DLEC1: variants seen among roughly 807,000 people sequenced by gnomAD.
The protein encoded by DLEC1 is DLEC1 cilia and flagella associated protein.
A neutral mutation model predicts 198.1 loss-of-function variants in DLEC1; 146 were observed. That is an observed-to-expected ratio of 0.74 (90% CI 0.64 to 0.85). The LOEUF (loss-of-function observed/expected upper bound fraction) is 0.85, where lower values mean the gene tolerates loss of function less well. Ranked by LOEUF, DLEC1 falls within the 40% of genes least tolerant of loss-of-function variation. DLEC1 has a pLI of 0.00. For synonymous variants in DLEC1, 897 were observed against 866.8 expected (o/e 1.03, Z -0.61); for missense variants, 2,233 against 2,220.0 (o/e 1.01, Z -0.12).
intron 19 of DLEC1, among the ~76,000 whole-genome samples, chr3:38,106,808 T>G (rs527413708): frequency 6.8e-6 from 1 of 146,150 alleles, no homozygotes; most frequent in African/African-American, 2.5e-5. Flanking sequence ...ATTAGGCCCA[T>G]CTAGATTATC....
intron 2 of DLEC1, 31 bp downstream of exon 2, chr3:38,045,724 C>G: frequency 2.5e-6 from 4 of 1,578,522 alleles, no homozygotes; most frequent in Non-Finnish European, 3.4e-6. Flanking sequence ...CATGCCTGCC[C>G]AATTCCCGGG....
chr3:38,121,922 C>A, intron 35 of DLEC1, 141 bp downstream of exon 35: 1 of 1,506,132 alleles, frequency 6.6e-7, no homozygotes, highest in Non-Finnish European at 8.9e-7. Context: ...GCAGAGCAGC[C>A]AGTCCCCCAA....
At position 38,095,942 on chromosome 3, in the gene DLEC1, G is replaced by C. The variant is rs767324318; in HGVS notation, c.2167G>C (p.Val723Leu). 2 of 1,613,570 alleles carry C rather than the reference G, an allele frequency of 1.2e-6. No individual in the cohort carries two copies. The highest frequency in any genetic ancestry group is 2.7e-5 in the African/African-American group (2 of 74,928). The part of the protein sequence containing the change: ...QMVLEEVPEP[V>L]SSEAESLGHS... Reference sequence around the variant, plus strand: ...GGTGCTAGAGGAAGTCCCAGAGCCTGTAAGGTGAGAGAAACTGGGCCCTGG... The same window carrying C: ...GGTGCTAGAGGAAGTCCCAGAGCCTCTAAGGTGAGAGAAACTGGGCCCTGG... The change falls in exon 14 of 37, where the codon GTA (valine) becomes CTA (leucine). Residue 723 changes from valine (V) to leucine (L), a missense_variant. By Grantham distance (32) the Val-to-Leu change is conservative (BLOSUM62 1). Transcript: ENST00000308059.
intron 31 of DLEC1, 56 bp from the exon 32 acceptor site, chr3:38,117,471 G>A (rs746255066): frequency 1.2e-6 from 2 of 1,610,332 alleles, no homozygotes; most frequent in Non-Finnish European, 1.7e-6. Context: ...CAGAGTGGGG[G>A]CAGCCAGAAG....
In DLEC1 at chr3:38,122,600, A is replaced by G. The variant is rs750170436; in HGVS notation, c.*188A>G. ...CCCTCATGATATGTCCTCAGAGCTA[A>G]CATAAAGGACAGGCCACACCACAGC... On this transcript the variant is annotated 3_prime_UTR_variant, in exon 37 of 37. Coordinates refer to ENST00000308059, the MANE Select transcript of DLEC1 (RefSeq NM_007335.4). 4 of 1,575,214 alleles carry G rather than the reference A, an allele frequency of 2.5e-6. No individual in the cohort carries two copies. The African/African-American group carries it at 4.1e-5, about 16-fold the overall frequency.
In DLEC1 at chr3:38,100,213, A is replaced by G; in HGVS notation, c.2725-73A>G. 18 of 1,500,990 alleles carry G rather than the reference A, an allele frequency of 1.2e-5. No homozygotes were observed. The South Asian group carries it at 2.3e-4, about 19-fold the overall frequency. 93.0% of individuals were successfully genotyped at this position (1,500,990 alleles called of 1,614,324 possible). Reference sequence around the variant, plus strand: ...AGCTTAGGAGTGACTTTGGTTAGGCATGGCCAGCCCCCAGTTCCTCTGCAA... The same window carrying G: ...AGCTTAGGAGTGACTTTGGTTAGGCGTGGCCAGCCCCCAGTTCCTCTGCAA... On this transcript the variant is annotated intron_variant, in intron 18 of 36. Transcript: ENST00000308059.
At chr3:38,074,707 A>C (rs1203923552) in intron 6 of DLEC1, among the ~76,000 whole-genome samples, 2 of 152,136 alleles carry the variant, frequency 1.3e-5, no homozygotes, top group African/African-American at 4.8e-5. Context: ...TATCAGCATG[A>C]GATTGGGCTA....
At chr3:38,048,195 G>T (rs977979358) in intron 2 of DLEC1, among the ~76,000 whole-genome samples, 1 of 152,168 alleles carries the variant, frequency 6.6e-6, no homozygotes, top group Non-Finnish European at 1.5e-5. Flanking sequence ...GATGTTCCAG[G>T]CCATCTTGGG....
At chr3:38,081,621 C>G (rs1188668572) in intron 6 of DLEC1, among the ~76,000 whole-genome samples, 5 of 97,316 alleles carry the variant, frequency 5.1e-5, no homozygotes, top group South Asian at 3.0e-4. Context: ...GGAGGGCTGA[C>G]CCCCCCACCT....
At chr3:38,071,308 T>G (rs1426774023) in intron 6 of DLEC1, among the ~76,000 whole-genome samples, 1 of 152,014 alleles carries the variant, frequency 6.6e-6, no homozygotes, top group Non-Finnish European at 1.5e-5. Flanking sequence ...AATTAGAGAG[T>G]GCCTAAGGGG....
chr3:38,055,074 C>T (rs1055443375), intron 2 of DLEC1, among the ~76,000 whole-genome samples: 3 of 152,140 alleles, frequency 2.0e-5, no homozygotes, highest in Non-Finnish European at 4.4e-5. Context: ...ACAACAGGCC[C>T]ATTTTGGCTA....
intron 2 of DLEC1, 117 bp downstream of exon 2, chr3:38,045,810 G>C: frequency 9.3e-7 from 1 of 1,071,222 alleles, no homozygotes; most frequent in Non-Finnish European, 1.3e-6. Context: ...GCAAGTCGCA[G>C]ACATGATAAT....
In DLEC1 at chr3:38,096,618, A is replaced by AT. The variant is rs1699035031; in HGVS notation, c.2223dup (p.Val742CysfsTer39). ...CTCCTCCTACTCTGTGGATGATGTG[A>AT]TTGTCCTGGAAATCGAGGTGAAAGG... On this transcript the variant is annotated frameshift_variant, in exon 15 of 37. Transcript: ENST00000308059. LOFTEE classifies it high-confidence loss of function. 1 of 1,612,504 alleles carries AT rather than the reference A, an allele frequency of 6.2e-7. No individual in the cohort carries two copies. The highest frequency in any genetic ancestry group is 1.1e-5 in the South Asian group (1 of 91,006).
chr3:38,039,270 G>T lies in DLEC1; in HGVS notation c.45G>T (p.Arg15=). The T allele has an allele frequency of 6.2e-7, 1 of 1,613,848 alleles. No individual in the cohort carries two copies. Among genetic ancestry groups the T allele is most frequent in the Non-Finnish European group, 8.5e-7 (1 of 1,179,846 alleles). The change falls in exon 1 of 37, where the codon CGG becomes CGT. Residue 15 remains arginine, a synonymous_variant. Coordinates refer to ENST00000308059, the MANE Select transcript of DLEC1 (RefSeq NM_007335.4). ...SSKTRRSLAS[R]TNECQGTMWA... ...AAACGCGGAGGTCTTTAGCGTCCCG[G>T]ACCAACGAGTGCCAGGGGACAATGT...
chr3:38,084,026 G>T, intron 6 of DLEC1, 132 bp from the exon 7 acceptor site: 6 of 772,076 alleles, frequency 7.8e-6, no homozygotes, highest in Non-Finnish European at 1.3e-5. Context: ...AGCTTCGACA[G>T]TTACCAACAT....
intron 6 of DLEC1, among the ~76,000 whole-genome samples, chr3:38,066,862 T>C (rs965161725): frequency 1.3e-5 from 2 of 152,230 alleles, no homozygotes; most frequent in East Asian, 1.9e-4. Flanking sequence ...TTAACAGTAA[T>C]GTGTTGTCTT....
Position 38,092,789 on chromosome 3 carries a change from G to A in DLEC1, c.1666-1G>A. 6.2e-7 allele frequency: 1 copy of A among 1,614,000 alleles called. No individual in the cohort carries two copies. Among genetic ancestry groups the A allele is most frequent in the Non-Finnish European group, 8.5e-7 (1 of 1,179,938 alleles). On this transcript the variant is annotated splice_acceptor_variant, in intron 10 of 36. Coordinates refer to ENST00000308059, the MANE Select transcript of DLEC1 (RefSeq NM_007335.4). LOFTEE classifies it high-confidence loss of function. ...AACGGAACAACCCTTCTCTCCCCCA[G>A]GTCTTGTTTTCCCCAAAGAGCCTAG...
intron 2 of DLEC1, 56 bp downstream of exon 2, chr3:38,045,749 CTG>C: frequency 1.3e-6 from 2 of 1,539,486 alleles, no homozygotes; most frequent in South Asian, 1.3e-5. Flanking sequence ...TGATATTTCA[CTG>C]TGTTTGCTCC....
Position 38,116,670 on chromosome 3 carries a change from T to A in DLEC1, c.4062+12T>A, listed in dbSNP as rs1163870390. 6.8e-6 allele frequency: 11 copies of A among 1,613,146 alleles called. No individual in the cohort carries two copies. Among genetic ancestry groups the A allele is most frequent in the Non-Finnish European group, 8.5e-6 (10 of 1,179,514 alleles). The stretch of plus-strand genomic sequence containing the variant: ...AAACTGACTCATCAGTGAGCAGGGG[T>A]GGAGGGGCGGGGCAGGCTGGCCACT... On this transcript the variant is annotated intron_variant, in intron 28 of 36. Transcript: ENST00000308059.
Sources: allele counts gnomAD v4.1 joint callset (sites outside exome capture counted in the v4.1 genomes callset), GRCh38; gene constraint gnomAD v4.1.1; transcripts MANE v1.5; gene names NCBI Gene and HGNC (gene_info 2026-07-23, HGNC 2026-07-21).